BFAR: variants seen among roughly 807,000 people sequenced by gnomAD.
The protein encoded by BFAR is RING finger protein 47.
Under a neutral mutation model 54.4 loss-of-function variants are expected in BFAR, and 52 were observed. The ratio of observed to expected loss-of-function variants is 0.96; its 90% CI spans 0.77 to 1.21. BFAR has a LOEUF of 1.21. BFAR is among the 50% of genes most tolerant of loss of function. The pLI, the probability that BFAR is intolerant of heterozygous loss-of-function variation, is 0.00. For synonymous variants in BFAR, 215 were observed against 204.3 expected (o/e 1.05, Z -0.45); for missense variants, 571 against 534.0 (o/e 1.07, Z -0.68).
rs779564409 is a variant in BFAR at position 14,655,205 on chromosome 16, T to C, written c.778T>C (p.Tyr260His). Residue 260 changes from tyrosine to histidine, a missense_variant, in exon 5 of 8, where the codon TAT (tyrosine) becomes CAT (histidine). Coordinates refer to ENST00000261658, the MANE Select transcript of BFAR (RefSeq NM_016561.3). ...GVKPPQNLWE[Y>H]KAVNPGRSLF... ...GAAGCCCCCCCAGAATCTCTGGGAA[T>C]ATAAGGTGAACACTTTAATTTTTTT... The C allele has an allele frequency of 2.7e-6, 4 of 1,474,200 alleles. No homozygotes were observed. The highest frequency in any genetic ancestry group is 3.1e-5 in the South Asian group (2 of 64,934). The allele number at this position is 1,474,200 out of a possible 1,614,324, so 91.3% of individuals were successfully genotyped here.
chr16:14,663,351 A>G (rs572568331), intron 6 of BFAR, among the ~76,000 whole-genome samples: 1 of 149,942 alleles, frequency 6.7e-6, no homozygotes, highest in East Asian at 2.0e-4. Context: ...TTTTTTTTTG[A>G]GACAGAGTCT....
At chr16:14,655,290 TTTTTTA>T in intron 5 of BFAR, 80 bp downstream of exon 5, 1 of 1,074,008 alleles carries the variant, frequency 9.3e-7, no homozygotes, top group Non-Finnish European at 1.2e-6. Context: ...CAGGGTTTTC[TTTTTTA>T]TTTTTGACAG....
At chr16:14,644,091 A>C (rs1259602124) in intron 1 of BFAR, among the ~76,000 whole-genome samples, 183 bp from the exon 2 acceptor site, 5 of 148,368 alleles carry the variant, frequency 3.4e-5, no homozygotes, top group African/African-American at 1.2e-4. Flanking sequence ...TGAACCTGGG[A>C]GGTGGAGGTT....
chr16:14,661,805 T>C, intron 5 of BFAR, 87 bp from the exon 6 acceptor site: 1 of 1,458,430 alleles, frequency 6.9e-7, no homozygotes, highest in East Asian at 2.3e-5. Flanking sequence ...AAAAGGCTGA[T>C]GGCAACAAGC....
rs13334111 is a variant in BFAR at position 14,656,800 on chromosome 16, G to A, written c.783+1590G>A. On this transcript the variant is annotated intron_variant, in intron 5 of 7. Transcript: ENST00000261658. ...CCGGAAAAGGAGACAAAGACTTTGT[G>A]TTAATAAGGAACAAAGTCCTGTAAT... is the stretch of plus-strand genomic sequence containing the variant. Among the ~76,000 whole-genome samples the A allele has an allele frequency of 1.2e-3, 178 of 152,200 alleles. 1 individual carries two copies. Among genetic ancestry groups the A allele is most frequent in the African/African-American group, 4.1e-3 (170 of 41,556 alleles).
At chr16:14,662,981 A>G (rs1246406507) in intron 6 of BFAR, among the ~76,000 whole-genome samples, 2 of 152,142 alleles carry the variant, frequency 1.3e-5, no homozygotes, top group East Asian at 3.9e-4. Context: ...TGGGGGCTGC[A>G]TGCGCCGGTA....
chr16:14,656,976 G>A (rs979579687), intron 5 of BFAR, among the ~76,000 whole-genome samples: 7 of 151,878 alleles, frequency 4.6e-5, no homozygotes, highest in Admixed American at 1.3e-4. Flanking sequence ...GGTGGTGCAT[G>A]CCTATAATCC....
At chr16:14,653,806 C>T (rs1342499761) in intron 4 of BFAR, among the ~76,000 whole-genome samples, 1 of 151,996 alleles carries the variant, frequency 6.6e-6, no homozygotes, top group Non-Finnish European at 1.5e-5. Context: ...GTCCTGGGCT[C>T]AAGCAATCCT....
chr16:14,660,225 C>G (rs1346514439), intron 5 of BFAR, among the ~76,000 whole-genome samples: 1 of 152,060 alleles, frequency 6.6e-6, no homozygotes, highest in Non-Finnish European at 1.5e-5. Flanking sequence ...TATTTGCCAT[C>G]CTTATATCTT....
At chr16:14,633,344 G>C (rs933392509) in intron 1 of BFAR, 8 of 152,394 alleles carry the variant, frequency 5.2e-5, no homozygotes, top group African/African-American at 1.9e-4. Context: ...GGAAGGAGGA[G>C]GGGTCGCTTC....
chr16:14,669,195 T>G lies in BFAR; in HGVS notation c.*1368T>G, dbSNP rs1960529083. ...GTTGCATCTGGAAGTTCGAAGAAAT[T>G]ACTTGAAATAAAAATAAAGATTTCT... On this transcript the variant is annotated 3_prime_UTR_variant, in exon 8 of 8. Transcript: ENST00000261658. The G allele has an allele frequency of 9.6e-6, 3 of 312,550 alleles. No individual in the cohort carries two copies. Among genetic ancestry groups the G allele is most frequent in the African/African-American group, 2.2e-5 (1 of 45,870 alleles). The allele number at this position is 312,550 out of a possible 1,614,324, so 19.4% of individuals were successfully genotyped here. A position where few individuals can be genotyped will look rare whatever the true frequency, so the allele number is the denominator to read the frequency against.
At chr16:14,647,198 C>T (rs1959822759) in intron 2 of BFAR, among the ~76,000 whole-genome samples, 1 of 152,058 alleles carries the variant, frequency 6.6e-6, no homozygotes, top group African/African-American at 2.4e-5. Flanking sequence ...GATTCTCCTG[C>T]CTCAGCCTCC....
At position 14,667,843 on chromosome 16, in the gene BFAR, C is replaced by CT; in HGVS notation, c.*17dup. The CT allele has an allele frequency of 6.2e-7, 1 of 1,610,440 alleles. No individual in the cohort carries two copies. The highest frequency in any genetic ancestry group is 8.5e-7 in the Non-Finnish European group (1 of 1,176,908). ...GGTGTTGTGACTGGCACTGCCCAGG[C>CT]TGAGACTCTTCAAGTCCCGCTGACG... is the stretch of plus-strand genomic sequence containing the variant. On this transcript the variant is annotated 3_prime_UTR_variant, in exon 8 of 8. Coordinates refer to ENST00000261658, the MANE Select transcript of BFAR (RefSeq NM_016561.3).
chr16:14,639,906 C>G (rs1164091627), intron 1 of BFAR, among the ~76,000 whole-genome samples: 1 of 152,034 alleles, frequency 6.6e-6, no homozygotes, highest in East Asian at 1.9e-4. Context: ...AACCTGTAAC[C>G]CCAGCATTTT....
At chr16:14,644,239 T>C in intron 1 of BFAR, 35 bp from the exon 2 acceptor site, 2 of 1,130,192 alleles carry the variant, frequency 1.8e-6, no homozygotes, top group South Asian at 2.9e-5. Context: ...ACAACTACTA[T>C]TTGCCTTATT....
At position 14,656,271 on chromosome 16, in the gene BFAR, A is replaced by ACC. The variant is rs1305647190; in HGVS notation, c.783+1061_783+1062insCC. 1.3e-3 allele frequency among the ~76,000 whole-genome samples: 203 copies of ACC among 152,192 alleles called. 2 individuals carry two copies. Among genetic ancestry groups the ACC allele is most frequent in the Admixed American group, 0.011 (169 of 15,260 alleles). On this transcript the variant is annotated intron_variant, in intron 5 of 7. Coordinates refer to ENST00000261658, the MANE Select transcript of BFAR (RefSeq NM_016561.3). The stretch of plus-strand genomic sequence containing the variant: ...GCTGGGCATGGTGGTTCACAACTAT[A>ACC]ATGCTAGTACTTTGGAAGGCTGAGG...
At chr16:14,649,746 T>A (rs1348460928) in intron 3 of BFAR, 58 bp from the exon 4 acceptor site, 10 of 1,467,112 alleles carry the variant, frequency 6.8e-6, no homozygotes, top group Non-Finnish European at 9.3e-6. Context: ...CACCCGCATA[T>A]TTAGAAACTG....
In BFAR at chr16:14,644,622, C is replaced by T. The variant is rs1959733857; in HGVS notation, c.263+13C>T. ...GTATTCTCCTCAGGTAATGTTCAGCCTATATTGGTAGCACAAACAGCCCAT... is the reference window on the plus strand; with the variant it reads ...GTATTCTCCTCAGGTAATGTTCAGCTTATATTGGTAGCACAAACAGCCCAT... On this transcript the variant is annotated intron_variant, in intron 2 of 7. Transcript: ENST00000261658. 1 of 1,607,496 alleles carries T rather than the reference C, an allele frequency of 6.2e-7. No individual in the cohort carries two copies. The highest frequency in any genetic ancestry group is 2.2e-5 in the East Asian group (1 of 44,814).
intron 1 of BFAR, chr16:14,633,501 G>C (rs1439500044): frequency 6.6e-6 from 1 of 152,270 alleles, no homozygotes; most frequent in East Asian, 1.9e-4. Context: ...CCTGGCCTAA[G>C]GCGGAGCGAT....
Sources: allele counts gnomAD v4.1 joint callset (sites outside exome capture counted in the v4.1 genomes callset), GRCh38; gene constraint gnomAD v4.1.1; transcripts MANE v1.5; gene names NCBI Gene and HGNC (gene_info 2026-07-23, HGNC 2026-07-21).